The following AP4E1 variants were observed in gnomAD, a reference collection of about 807,000 sequenced individuals.
AP4E1 encodes the protein AP-4 complex subunit epsilon-1.
In AP4E1, 56 loss-of-function variants were observed where a neutral mutation model predicts 128.2. The ratio of observed to expected loss-of-function variants is 0.44; its 90% confidence interval spans 0.35 to 0.55. AP4E1 has a LOEUF of 0.55. Among genes scored for constraint, AP4E1 ranks in the 20% least tolerant of loss-of-function variants. The pLI is 0.00. For missense variants in AP4E1, 1,324 were observed against 1,307.7 expected (o/e 1.01, Z -0.19); for synonymous variants, 484 against 473.1 (o/e 1.02, Z -0.30).
At chr15:50,931,774 G>T (rs934414192) in intron 7 of AP4E1, among the ~76,000 whole-genome samples, 1 of 152,024 alleles carries the variant, frequency 6.6e-6, no homozygotes, top group African/African-American at 2.4e-5. Context: ...ATTTCAAACT[G>T]TAAAATCTCT....
intron 10 of AP4E1, among the ~76,000 whole-genome samples, chr15:50,946,634 A>T (rs1257523702): frequency 6.6e-6 from 1 of 152,218 alleles, no homozygotes; most frequent in South Asian, 2.1e-4. Flanking sequence ...GAAAAATTAG[A>T]ACCCTAAATA....
chr15:50,971,104 C>T (rs1432768455), intron 15 of AP4E1, among the ~76,000 whole-genome samples: 1 of 152,144 alleles, frequency 6.6e-6, no homozygotes, highest in East Asian at 1.9e-4. Flanking sequence ...TCCAGACTCC[C>T]TGGAGCATTT....
In AP4E1 at chr15:50,984,088, C is replaced by T. The variant is rs760833457; in HGVS notation, c.2033C>T (p.Ala678Val). The T allele has an allele frequency of 1.9e-5, 31 of 1,613,326 alleles. No homozygotes were observed. The highest frequency in any genetic ancestry group is 2.5e-5 in the Non-Finnish European group (29 of 1,179,510). Residue 678 changes from alanine to valine, a missense_variant, in exon 16 of 21, where the codon GCT (alanine) becomes GTT (valine). Physicochemically the swap from Ala to Val is moderately conservative, Grantham distance 64. Transcript: ENST00000261842. ...GGCTTCACTGGACGACAGTCTCCTG[C>T]TGGCATTTCTCTTGGTTCAGATGTA... ...SSGFTGRQSP[A>V]GISLGSDVSG...
chr15:50,969,934 C>T (rs909223857), intron 15 of AP4E1, among the ~76,000 whole-genome samples: 2 of 152,186 alleles, frequency 1.3e-5, no homozygotes, highest in East Asian at 3.9e-4. Context: ...GCTGGGACTA[C>T]CGGCGTGAGC....
At chr15:50,973,006 T>C (rs952065536) in intron 15 of AP4E1, among the ~76,000 whole-genome samples, 2 of 152,188 alleles carry the variant, frequency 1.3e-5, no homozygotes, top group African/African-American at 4.8e-5. Context: ...AAAGAGTAAC[T>C]TTGTACTTAA....
intron 14 of AP4E1, among the ~76,000 whole-genome samples, chr15:50,959,458 G>GAGTA (rs1193703774): frequency 6.6e-6 from 1 of 152,040 alleles, no homozygotes; most frequent in African/African-American, 2.4e-5. Flanking sequence ...ACTGCCAGAC[G>GAGTA]AGTAAGTATA....
intron 7 of AP4E1, 194 bp from the exon 8 acceptor site, chr15:50,934,430 T>A (rs552481979): frequency 1.8e-5 from 9 of 492,546 alleles, no homozygotes; most frequent in Admixed American, 3.4e-5. Flanking sequence ...CTAGTCAACT[T>A]TGATAAAGTA....
intron 2 of AP4E1, 57 bp downstream of exon 2, chr15:50,912,206 C>G: frequency 7.1e-7 from 1 of 1,418,114 alleles, no homozygotes; most frequent in Non-Finnish European, 1.0e-6. Flanking sequence ...TCACTGTGGA[C>G]TCAATAGTGG....
chr15:50,939,214 T>A (rs1322073527), intron 8 of AP4E1, among the ~76,000 whole-genome samples: 1 of 152,182 alleles, frequency 6.6e-6, no homozygotes, highest in Non-Finnish European at 1.5e-5. Context: ...GGCTCATGCC[T>A]GTAATCCCAG....
intron 13 of AP4E1, among the ~76,000 whole-genome samples, chr15:50,958,065 C>G (rs949590399): frequency 6.6e-6 from 1 of 152,098 alleles, no homozygotes; most frequent in South Asian, 2.1e-4. Flanking sequence ...CACAGACATA[C>G]TAAATCAGAA....
At chr15:50,954,049 T>A (rs1332107958) in intron 13 of AP4E1, among the ~76,000 whole-genome samples, 1 of 152,212 alleles carries the variant, frequency 6.6e-6, no homozygotes, top group Non-Finnish European at 1.5e-5. Flanking sequence ...CCCCTTTAGA[T>A]GCAGAGGGCC....
chr15:50,912,132 G>C lies in AP4E1; in HGVS notation c.205G>C (p.Ala69Pro), dbSNP rs766804471. 2 of 1,614,102 alleles carry C rather than the reference G, an allele frequency of 1.2e-6. No individual in the cohort carries two copies. The highest frequency in any genetic ancestry group is 8.5e-7 in the Non-Finnish European group (1 of 1,179,974). Residue 69 changes from alanine (A) to proline (P), a missense_variant, in exon 2 of 21, where the codon GCT becomes CCT. Coordinates refer to ENST00000261842, the MANE Select transcript of AP4E1 (RefSeq NM_007347.5). ...GAGTAGTCTGAAAGCGACTGTTTCT[G>C]CTCCTACTACAACACTGGTAGGTTT... ...ELSSLKATVSAPTTTLKMMKE... is the reference protein window; with the variant it reads ...ELSSLKATVSPPTTTLKMMKE...
At chr15:50,956,747 A>G (rs1483590847) in intron 13 of AP4E1, among the ~76,000 whole-genome samples, 3 of 152,216 alleles carry the variant, frequency 2.0e-5, no homozygotes, top group Non-Finnish European at 4.4e-5. Context: ...GATTATTACA[A>G]TTCAAGGTGA....
At chr15:50,959,919 T>C (rs904236718) in intron 14 of AP4E1, among the ~76,000 whole-genome samples, 3 of 151,812 alleles carry the variant, frequency 2.0e-5, no homozygotes, top group Non-Finnish European at 4.4e-5. Context: ...AGACTGAAAG[T>C]GAAGGGATAA....
chr15:50,989,141 A>G (rs1244055380), intron 16 of AP4E1, among the ~76,000 whole-genome samples: 1 of 152,178 alleles, frequency 6.6e-6, no homozygotes, highest in African/African-American at 2.4e-5. Flanking sequence ...CAATCTGTAT[A>G]ATTTTGATCA....
At chr15:50,936,906 C>T (rs2063915240) in intron 8 of AP4E1, among the ~76,000 whole-genome samples, 1 of 152,036 alleles carries the variant, frequency 6.6e-6, no homozygotes, top group African/African-American at 2.4e-5. Context: ...TGCCACTGCA[C>T]TCTAGCCTTT....
chr15:50,962,697 A>AG (rs2064331974), intron 14 of AP4E1, among the ~76,000 whole-genome samples: 1 of 151,946 alleles, frequency 6.6e-6, no homozygotes, highest in South Asian at 2.1e-4. Context: ...GTCGAGGCAA[A>AG]GATTTATGGC....
At chr15:50,932,407 G>T (rs1372045968) in intron 7 of AP4E1, among the ~76,000 whole-genome samples, 1 of 152,084 alleles carries the variant, frequency 6.6e-6, no homozygotes. Flanking sequence ...CATTCTCTGT[G>T]TGTGCATGTG....
intron 6 of AP4E1, among the ~76,000 whole-genome samples, chr15:50,930,547 A>G (rs140538801): frequency 1.2e-4 from 19 of 152,118 alleles, no homozygotes; most frequent in Admixed American, 3.3e-4. Flanking sequence ...CTAAGATATA[A>G]GAATTTTGAA....
Sources: gnomAD v4.1 joint callset for allele counts (sites outside exome capture counted in the v4.1 genomes callset) on GRCh38, gnomAD v4.1.1 for gene constraint, MANE v1.5 for transcripts, NCBI Gene and HGNC (gene_info 2026-07-23, HGNC 2026-07-21) for gene names.